EGF: variants seen among roughly 807,000 people sequenced by gnomAD.
The protein encoded by EGF is epidermal growth factor, also known as pro-epidermal growth factor.
A neutral mutation model predicts 143.8 loss-of-function variants in EGF; 95 were observed. The observed-to-expected ratio is 0.66, with a 90% CI of 0.56 to 0.78. The LOEUF is 0.78. EGF is among the 30% of genes least tolerant of loss of function. The pLI is 0.00. For missense variants in EGF, 1,320 were observed against 1,470.9 expected (o/e 0.90, Z 1.68); for synonymous variants, 510 against 510.5 (o/e 1.00, Z 0.01).
At chr4:109,979,902 C>T in intron 13 of EGF, 70 bp from the exon 14 acceptor site, 1 of 1,576,734 alleles carries the variant, frequency 6.3e-7, no homozygotes, top group Admixed American at 1.7e-5. Context: ...AAATTTCAAG[C>T]CTTGTCCTTT....
intron 15 of EGF, among the ~76,000 whole-genome samples, chr4:109,981,774 C>T (rs1749403951): frequency 6.6e-6 from 1 of 152,140 alleles, no homozygotes; most frequent in East Asian, 1.9e-4. Flanking sequence ...TATGTTTTTC[C>T]TCTAGCTAAC....
Position 109,980,000 on chromosome 4 carries a change from G to T in EGF, c.2082G>T (p.Glu694Asp). The change falls in exon 14 of 24, where the codon GAG (glutamate) becomes GAT (aspartate). Residue 694 changes from glutamate (E) to aspartate (D), a missense_variant. Glu to Asp is a conservative substitution (Grantham distance 45). Coordinates refer to ENST00000265171, the MANE Select transcript of EGF (RefSeq NM_001963.6). The part of the protein sequence containing the change: ...VGHPFAVAVF[E>D]DYVWFSDWAM... Reference sequence around the variant, plus strand: ...ACCCATTTGCTGTAGCAGTGTTTGAGGATTATGTGTGGTTCTCAGATTGGG... The same window carrying T: ...ACCCATTTGCTGTAGCAGTGTTTGATGATTATGTGTGGTTCTCAGATTGGG... 6.2e-7 allele frequency: 1 copy of T among 1,614,028 alleles called. No individual in the cohort carries two copies. The highest frequency in any genetic ancestry group is 8.5e-7 in the Non-Finnish European group (1 of 1,179,944).
chr4:109,956,774 T>C (rs1235468065), intron 5 of EGF, among the ~76,000 whole-genome samples: 1 of 152,188 alleles, frequency 6.6e-6, no homozygotes, highest in Non-Finnish European at 1.5e-5. Flanking sequence ...AATACTGCAA[T>C]GGTGTTGAAA....
At chr4:109,928,269 C>A (rs1303710302) in intron 1 of EGF, among the ~76,000 whole-genome samples, 1 of 152,076 alleles carries the variant, frequency 6.6e-6, no homozygotes, top group African/African-American at 2.4e-5. Context: ...TCAATACATG[C>A]AAGATATACA....
chr4:109,954,873 T>C (rs1744550299), intron 5 of EGF, among the ~76,000 whole-genome samples: 1 of 152,194 alleles, frequency 6.6e-6, no homozygotes, highest in Non-Finnish European at 1.5e-5. Flanking sequence ...ATCTGTAAAA[T>C]GGAAGATGAT....
chr4:109,917,487 A>G (rs1736881497), intron 1 of EGF, among the ~76,000 whole-genome samples: 1 of 151,662 alleles, frequency 6.6e-6, no homozygotes, highest in Admixed American at 6.6e-5. Context: ...TTTAGCTTTT[A>G]GTTTTTGTCT....
At chr4:109,965,333 T>C (rs1392523021) in intron 10 of EGF, among the ~76,000 whole-genome samples, 1 of 152,268 alleles carries the variant, frequency 6.6e-6, no homozygotes, top group African/African-American at 2.4e-5. Flanking sequence ...AGCAGTCTGG[T>C]AAATGGCCAA....
chr4:110,013,700 C>A lies in EGF; in HGVS notation c.*2245C>A, dbSNP rs1754168409. Among the ~76,000 whole-genome samples, 3 of 151,984 alleles carry A rather than the reference C, an allele frequency of 2.0e-5. No individual in the cohort carries two copies. The highest frequency in any genetic ancestry group is 7.3e-5 in the African/African-American group (3 of 41,374). ...TGAGCTTCTGTTTGACTAAATATCACCTACTATGTAAAAAATGAGCATATT... is the reference window on the plus strand; with the variant it reads ...TGAGCTTCTGTTTGACTAAATATCAACTACTATGTAAAAAATGAGCATATT... On this transcript the variant is annotated 3_prime_UTR_variant, in exon 24 of 24. Transcript: ENST00000265171.
chr4:109,939,160 G>A (rs1741455826), intron 1 of EGF, among the ~76,000 whole-genome samples: 1 of 152,252 alleles, frequency 6.6e-6, no homozygotes. Context: ...GCCTTGTTGA[G>A]CTGCGTTGGG....
chr4:109,951,219 G>T (rs1213799969), intron 5 of EGF, among the ~76,000 whole-genome samples: 1 of 148,902 alleles, frequency 6.7e-6, no homozygotes, highest in African/African-American at 2.6e-5. Context: ...TTAACTGGGT[G>T]TGGTGGTGTC....
At chr4:109,966,954 C>A (rs2126074839) in intron 10 of EGF, among the ~76,000 whole-genome samples, 1 of 152,036 alleles carries the variant, frequency 6.6e-6, no homozygotes, top group South Asian at 2.1e-4. Flanking sequence ...CCTTTGTGAA[C>A]TGCATTGTTT....
At position 109,961,948 on chromosome 4, in the gene EGF, A is replaced by G. The variant is rs1290979463; in HGVS notation, c.1275A>G (p.Glu425=). The change falls in exon 8 of 24, where the codon GAA becomes GAG. Residue 425 remains glutamate, a synonymous_variant. Coordinates refer to ENST00000265171, the MANE Select transcript of EGF (RefSeq NM_001963.6). ...AAGGTCCCTTATGTTTCTGTCCTGAAGGCTCAGTGCTTGAGAGAGATGGGA... is the reference window on the plus strand; with the variant it reads ...AAGGTCCCTTATGTTTCTGTCCTGAGGGCTCAGTGCTTGAGAGAGATGGGA... ...TSEGPLCFCP[E]GSVLERDGKT... 3 of 1,613,804 alleles carry G rather than the reference A, an allele frequency of 1.9e-6. No individual in the cohort carries two copies. Among genetic ancestry groups the G allele is most frequent in the Admixed American group, 3.3e-5 (2 of 59,988 alleles).
In EGF at chr4:109,978,590, G is replaced by T. The variant is rs543559818; in HGVS notation, c.2054-1382G>T. ...GTGGTTTCCAGGGGATGTGGGAGAG[G>T]AAATGAGAAGTTGTTTAATGGACAT... On this transcript the variant is annotated intron_variant, in intron 13 of 23. Coordinates refer to ENST00000265171, the MANE Select transcript of EGF (RefSeq NM_001963.6). Among the ~76,000 whole-genome samples the T allele has an allele frequency of 2.6e-5, 4 of 152,260 alleles. No homozygotes were observed. In the East Asian group the frequency reaches 5.8e-4, roughly 22 times the overall value.
chr4:109,983,680 T>A, intron 16 of EGF, 139 bp downstream of exon 16: 1 of 1,148,030 alleles, frequency 8.7e-7, no homozygotes, highest in Non-Finnish European at 1.3e-6. Context: ...TGGACTCAAG[T>A]CTGTCTCTTC....
Position 109,926,653 on chromosome 4 carries a change from G to A in EGF, c.127+13191G>A, listed in dbSNP as rs1318947970. On this transcript the variant is annotated intron_variant, in intron 1 of 23. Coordinates refer to ENST00000265171, the MANE Select transcript of EGF (RefSeq NM_001963.6). Reference sequence around the variant, plus strand: ...ATTACTGGCGTGAGCCACTGCACTCGGCCGTGACACCGTCTTTAAAAGAAG... The same window carrying A: ...ATTACTGGCGTGAGCCACTGCACTCAGCCGTGACACCGTCTTTAAAAGAAG... Among the ~76,000 whole-genome samples the A allele has an allele frequency of 1.3e-5, 2 of 152,122 alleles. 1 individual carries two copies. The highest frequency in any genetic ancestry group is 2.9e-5 in the Non-Finnish European group (2 of 68,022).
At position 109,983,133 on chromosome 4, in the gene EGF, T is replaced by A. The variant is rs11569028; in HGVS notation, c.2372-289T>A. Among the ~76,000 whole-genome samples, 150 of 152,122 alleles carry A rather than the reference T, an allele frequency of 9.9e-4. 4 individuals carry two copies. The South Asian group carries it at 0.022, about 22-fold the overall frequency. ...TATGAGCTGATCATGTCCCTGAGGG[T>A]TTTGGTATTTTACTCTTGTTTTTTG... On this transcript the variant is annotated intron_variant, in intron 15 of 23. Coordinates refer to ENST00000265171, the MANE Select transcript of EGF (RefSeq NM_001963.6).
chr4:109,967,339 T>C (rs1746764141), intron 10 of EGF, among the ~76,000 whole-genome samples: 1 of 152,202 alleles, frequency 6.6e-6, no homozygotes, highest in African/African-American at 2.4e-5. Context: ...TTGTCAAAGA[T>C]CAGTTGGTTG....
chr4:109,919,507 T>C (rs980302663), intron 1 of EGF, among the ~76,000 whole-genome samples: 2 of 152,158 alleles, frequency 1.3e-5, no homozygotes, highest in Admixed American at 1.3e-4. Context: ...GAAAAGAGAC[T>C]TTAACAGGTC....
At chr4:109,959,522 A>G (rs1471422482) in intron 6 of EGF, 85 bp downstream of exon 6, 18 of 1,606,986 alleles carry the variant, frequency 1.1e-5, no homozygotes, top group Non-Finnish European at 2.5e-6. Flanking sequence ...GCTTGTCTTC[A>G]GTGGGCCAGC....
Sources: allele counts gnomAD v4.1 joint callset (sites outside exome capture counted in the v4.1 genomes callset), GRCh38; gene constraint gnomAD v4.1.1; transcripts MANE v1.5; gene names NCBI Gene and HGNC (gene_info 2026-07-23, HGNC 2026-07-21).